The following MICAL3 variants were observed in gnomAD, a reference collection of about 807,000 sequenced individuals.
MICAL3 encodes [F-actin]-monooxygenase MICAL3.
A neutral mutation model predicts 207.4 loss-of-function variants in MICAL3; 62 were observed. The ratio of observed to expected loss-of-function variants is 0.30; its 90% CI spans 0.24 to 0.37. The LOEUF (loss-of-function observed/expected upper bound fraction) is 0.37, where lower values mean the gene tolerates loss of function less well. Ranked by LOEUF, MICAL3 falls within the 10% of genes least tolerant of loss-of-function variation. The pLI is 1.00. For synonymous variants in MICAL3, 1,077 were observed against 1,069.3 expected, an observed-to-expected ratio of 1.01 and a Z score of -0.14; for missense variants, 2,368 against 2,635.6, an observed-to-expected ratio of 0.90 and a Z score of 2.22.
At chr22:17,981,414 C>A (rs1046925295) in intron 1 of MICAL3, among the ~76,000 whole-genome samples, 3 of 152,066 alleles carry the variant, frequency 2.0e-5, no homozygotes, top group African/African-American at 7.2e-5. Context: ...CTGAACTGGA[C>A]ACTAGTTTCA....
intron 20 of MICAL3, among the ~76,000 whole-genome samples, chr22:17,837,286 C>G (rs1456084105): frequency 6.6e-6 from 1 of 152,208 alleles, no homozygotes; most frequent in East Asian, 1.9e-4. Context: ...GCGGCCTTCT[C>G]CCACTCGTGG....
intron 16 of MICAL3, among the ~76,000 whole-genome samples, chr22:17,877,580 A>AGTTATGGAGGTTAGGGAG (rs1361659067): frequency 3.9e-5 from 3 of 76,068 alleles, no homozygotes; most frequent in Middle Eastern, 9.3e-3. Flanking sequence ...AGGTTAGGGA[A>AGTTATGGAGGTTAGGGAG]GTTATGGAGG....
chr22:17,861,804 A>G (rs1303065330), intron 19 of MICAL3: 1 of 985,186 alleles, frequency 1.0e-6, no homozygotes, highest in East Asian at 1.1e-4. Context: ...GAAATACTGT[A>G]AACAATGCCC....
At chr22:17,839,567 CTT>C (rs60451083) in intron 20 of MICAL3, 42,524 of 139,368 alleles carry the variant, frequency 0.31, 6,464 homozygotes, top group African/African-American at 0.36. Flanking sequence ...GGGCTCTTCC[CTT>C]TTTTTTTTTT....
intron 16 of MICAL3, chr22:17,884,258 C>T (rs765226381): frequency 1.7e-5 from 27 of 1,576,830 alleles, no homozygotes; most frequent in Middle Eastern, 3.9e-4. Flanking sequence ...CCATCCTGGC[C>T]CTGGCAGTTC....
At chr22:17,987,475 T>A (rs1921155402) in intron 1 of MICAL3, among the ~76,000 whole-genome samples, 1 of 152,164 alleles carries the variant, frequency 6.6e-6, no homozygotes, top group Non-Finnish European at 1.5e-5. Context: ...CTAGGCCTGC[T>A]CTCCCTCTAG....
intron 1 of MICAL3, among the ~76,000 whole-genome samples, chr22:17,935,676 C>T (rs1475974924): frequency 6.6e-6 from 1 of 152,132 alleles, no homozygotes; most frequent in African/African-American, 2.4e-5. Context: ...TTGCAATCTA[C>T]CCATCTGACA....
intron 1 of MICAL3, among the ~76,000 whole-genome samples, chr22:18,022,675 T>C (rs1924560261): frequency 6.6e-6 from 1 of 152,168 alleles, no homozygotes; most frequent in South Asian, 2.1e-4. Flanking sequence ...GTGATCTGCC[T>C]ACCTCGGGCT....
At chr22:17,819,720 A>G (rs972353666) in intron 25 of MICAL3, among the ~76,000 whole-genome samples, 1 of 151,654 alleles carries the variant, frequency 6.6e-6, no homozygotes, top group Admixed American at 6.6e-5. Context: ...TGGGCAGATC[A>G]CGAGGTCAGG....
chr22:17,836,025 G>A (rs556951996), intron 20 of MICAL3, among the ~76,000 whole-genome samples: 24 of 152,324 alleles, frequency 1.6e-4, no homozygotes, highest in Admixed American at 1.3e-3. Context: ...TTAGAAGAGC[G>A]TCCAGCAAAA....
At chr22:17,917,564 C>T (rs1421303231) in intron 1 of MICAL3, among the ~76,000 whole-genome samples, 1 of 152,166 alleles carries the variant, frequency 6.6e-6, no homozygotes, top group East Asian at 1.9e-4. Flanking sequence ...CCAAACCCAC[C>T]CTCCAGAATA....
Position 17,881,027 on chromosome 22 carries a change from G to T in MICAL3, c.2241+4851C>A, listed in dbSNP as rs568787440. Among the ~76,000 whole-genome samples, 8 of 152,286 alleles carry T rather than the reference G, an allele frequency of 5.3e-5. No individual in the cohort carries two copies. In the East Asian group the frequency reaches 1.5e-3, roughly 29 times the overall value. ...TGACTAGGGTCAGGTGTGAATGTAG[G>T]ATGCACCATCCTGAGGGCCATAAAA... On this transcript the variant is annotated intron_variant, in intron 16 of 31. Coordinates refer to ENST00000441493, the MANE Select transcript of MICAL3 (RefSeq NM_015241.3).
chr22:17,995,271 G>A (rs1449722626), intron 1 of MICAL3, among the ~76,000 whole-genome samples: 1 of 151,892 alleles, frequency 6.6e-6, no homozygotes, highest in East Asian at 1.9e-4. Flanking sequence ...CAAACTCCTG[G>A]CCTCAAGTGA....
chr22:17,896,658 G>A, intron 8 of MICAL3, 66 bp downstream of exon 8: 2 of 1,523,854 alleles, frequency 1.3e-6, no homozygotes, highest in Admixed American at 3.5e-5. Flanking sequence ...CAAGACCCAG[G>A]ATGCCCAGAT....
intron 29 of MICAL3, among the ~76,000 whole-genome samples, chr22:17,794,506 C>T (rs1191848594): frequency 6.6e-6 from 1 of 152,258 alleles, no homozygotes; most frequent in East Asian, 1.9e-4. Flanking sequence ...ACCTGCGCTC[C>T]TTCAAATTCT....
intron 19 of MICAL3, among the ~76,000 whole-genome samples, chr22:17,859,254 G>A (rs1659003816): frequency 6.6e-6 from 1 of 152,212 alleles, no homozygotes; most frequent in African/African-American, 2.4e-5. Flanking sequence ...GATCTATGGG[G>A]AAGCCAAGAC....
intron 1 of MICAL3, among the ~76,000 whole-genome samples, chr22:17,928,730 C>T (rs1229787273): frequency 3.9e-5 from 6 of 152,174 alleles, no homozygotes; most frequent in Admixed American, 1.3e-4. Flanking sequence ...TGTTACATGC[C>T]CCATAGGGGG....
At chr22:17,876,756 A>ATGG (rs2146186192) in intron 16 of MICAL3, 4 of 147,952 alleles carry the variant, frequency 2.7e-5, no homozygotes, top group South Asian at 2.1e-4. Context: ...TAGGGAGGTT[A>ATGG]AGGAGGTTAG....
chr22:18,021,272 A>G (rs112712540), intron 1 of MICAL3, among the ~76,000 whole-genome samples: 2,759 of 152,372 alleles, frequency 0.018, 96 homozygotes, highest in African/African-American at 0.063. Flanking sequence ...CTGGGCTGGC[A>G]GCCCTCACAT....
Sources: gnomAD v4.1 joint callset for allele counts (sites outside exome capture counted in the v4.1 genomes callset) on GRCh38, gnomAD v4.1.1 for gene constraint, MANE v1.5 for transcripts, NCBI Gene and HGNC (gene_info 2026-07-23, HGNC 2026-07-21) for gene names.